The following TBC1D23 variants were observed in gnomAD, a reference collection of about 807,000 sequenced individuals.
TBC1D23 encodes the protein TBC1 domain family member 23, also known as HCV non-structural protein 4A-transactivated protein 1.
Under a neutral mutation model 91.4 loss-of-function variants are expected in TBC1D23, and 55 were observed. The observed-to-expected ratio is 0.60, with a 90% CI of 0.48 to 0.75. The LOEUF is 0.75. TBC1D23 is among the 30% of genes least tolerant of loss of function. The pLI is 0.00. For synonymous variants in TBC1D23, 289 were observed against 281.0 expected (o/e 1.03, Z -0.28); for missense variants, 725 against 836.1 (o/e 0.87, Z 1.64).
In TBC1D23 at chr3:100,320,299, TTAA is replaced by T. The variant is rs1398019090; in HGVS notation, c.1824-472_1824-470del. ...CTGAGATACAGGGGTTGGGTGAGTG[TTAA>T]TAATACTATGCTCATTTTGCCTTCA... On this transcript the variant is annotated intron_variant, in intron 17 of 18. Coordinates refer to ENST00000394144, the MANE Select transcript of TBC1D23 (RefSeq NM_001199198.3). Among the ~76,000 whole-genome samples the T allele has an allele frequency of 2.6e-5, 4 of 152,286 alleles. No homozygotes were observed. The East Asian group carries it at 7.7e-4, about 29-fold the overall frequency.
chr3:100,316,141 C>A lies in TBC1D23; in HGVS notation c.1641C>A (p.Gly547=). The part of the protein sequence containing the change: ...SSDRVGKPYR[G]VKPVFSIGDE... The stretch of plus-strand genomic sequence containing the variant: ...ACAGAGTGGGCAAGCCTTACCGTGG[C>A]GTAAAGCCTGTTTTCAGCATTGGGG... Residue 547 remains glycine (G), a synonymous_variant, in exon 16 of 19, where the codon GGC becomes GGA. Coordinates refer to ENST00000394144, the MANE Select transcript of TBC1D23 (RefSeq NM_001199198.3). The A allele has an allele frequency of 6.2e-7, 1 of 1,613,986 alleles. No individual in the cohort carries two copies. Among genetic ancestry groups the A allele is most frequent in the Admixed American group, 1.7e-5 (1 of 60,006 alleles).
chr3:100,290,822 A>C lies in TBC1D23; in HGVS notation c.600+121A>C, dbSNP rs955645646. On this transcript the variant is annotated intron_variant, in intron 5 of 18. Coordinates refer to ENST00000394144, the MANE Select transcript of TBC1D23 (RefSeq NM_001199198.3). ...CCTAATTATAGATCATTACTGTTTAAACCAAAGGGGTAAAATTATTGGCAT... is the reference window on the plus strand; with the variant it reads ...CCTAATTATAGATCATTACTGTTTACACCAAAGGGGTAAAATTATTGGCAT... 3.7e-6 allele frequency: 3 copies of C among 811,224 alleles called. No homozygotes were observed. In the African/African-American group the frequency reaches 5.3e-5, roughly 14 times the overall value. The allele number at this position is 811,224 out of a possible 1,614,324, so 50.3% of individuals were successfully genotyped here.
chr3:100,291,354 A>G (rs975509797), intron 5 of TBC1D23, among the ~76,000 whole-genome samples: 4 of 152,284 alleles, frequency 2.6e-5, no homozygotes, highest in African/African-American at 9.6e-5. Context: ...AGGCTAAGGA[A>G]GGTGGATCAC....
chr3:100,291,851 G>A (rs968041586), intron 5 of TBC1D23, among the ~76,000 whole-genome samples: 4 of 142,056 alleles, frequency 2.8e-5, no homozygotes, highest in Middle Eastern at 3.6e-3. Flanking sequence ...CTGGAGTGCC[G>A]TGGCTCCCAG....
rs181129062 is a variant in TBC1D23 at position 100,292,845 on chromosome 3, C to G, written c.600+2144C>G. Among the ~76,000 whole-genome samples the G allele has an allele frequency of 2.6e-3, 394 of 152,330 alleles. 6 individuals carry two copies. The highest frequency in any genetic ancestry group is 0.01 in the Middle Eastern group (3 of 294). On this transcript the variant is annotated intron_variant, in intron 5 of 18. Transcript: ENST00000394144. Reference sequence around the variant, plus strand: ...CAATCTCCTGGGCTCAAGCAATCCTCTCACGCAGGCCTCCCAAAGTGCAGG... The same window carrying G: ...CAATCTCCTGGGCTCAAGCAATCCTGTCACGCAGGCCTCCCAAAGTGCAGG...
In TBC1D23 at chr3:100,278,546, C is replaced by T. The variant is rs535292312; in HGVS notation, c.54-1103C>T. On this transcript the variant is annotated intron_variant, in intron 1 of 18. Coordinates refer to ENST00000394144, the MANE Select transcript of TBC1D23 (RefSeq NM_001199198.3). ...ATTACAGGGACCTGCCACCACAGCC[C>T]GCTAATTTTTTGTGTTTTTAGTAGA... Among the ~76,000 whole-genome samples the T allele has an allele frequency of 2.5e-4, 38 of 152,058 alleles. 1 individual carries two copies. Among genetic ancestry groups the T allele is most frequent in the African/African-American group, 7.5e-4 (31 of 41,482 alleles).
intron 9 of TBC1D23, 99 bp downstream of exon 9, chr3:100,298,144 G>T: frequency 9.7e-7 from 1 of 1,027,224 alleles, no homozygotes; most frequent in East Asian, 2.6e-5. Flanking sequence ...TCAATTTACT[G>T]CAACAAGGTG....
In TBC1D23 at chr3:100,319,076, T is replaced by G. The variant is rs1705805482; in HGVS notation, c.1695T>G (p.Ile565Met). The change falls in exon 17 of 19, where the codon ATT becomes ATG. Residue 565 changes from isoleucine to methionine, a missense_variant. Coordinates refer to ENST00000394144, the MANE Select transcript of TBC1D23 (RefSeq NM_001199198.3). ...GDEEEYDTDE[I>M]DSSSMSDDDR... The stretch of plus-strand genomic sequence containing the variant: ...ACTTTGTATTTTTTATAGATGAAAT[T>G]GACAGTTCTTCAATGTCAGATGATG... 6.4e-7 allele frequency: 1 copy of G among 1,561,130 alleles called. No individual in the cohort carries two copies. Among genetic ancestry groups the G allele is most frequent in the African/African-American group, 1.4e-5 (1 of 72,734 alleles).
chr3:100,320,884 T>C lies in TBC1D23; in HGVS notation c.1931T>C (p.Ile644Thr). 1 of 1,613,096 alleles carries C rather than the reference T, an allele frequency of 6.2e-7. No homozygotes were observed. The highest frequency in any genetic ancestry group is 8.5e-7 in the Non-Finnish European group (1 of 1,179,516). ...SRQALNSVVKITSKKKHPELI... is the reference protein window; with the variant it reads ...SRQALNSVVKTTSKKKHPELI... ...CAAGCGCTGAATTCTGTAGTTAAAA[T>C]TACATCCAAAAAAAAACATCCTGAA... Residue 644 changes from isoleucine (I) to threonine (T), a missense_variant, in exon 18 of 19, where the codon ATT (isoleucine) becomes ACT (threonine). Coordinates refer to ENST00000394144, the MANE Select transcript of TBC1D23 (RefSeq NM_001199198.3).
intron 1 of TBC1D23, among the ~76,000 whole-genome samples, chr3:100,277,390 G>C (rs1276320696): frequency 6.6e-6 from 1 of 152,112 alleles, no homozygotes; most frequent in Non-Finnish European, 1.5e-5. Flanking sequence ...GCATTTTCTG[G>C]TCTTCAAAGG....
intron 4 of TBC1D23, among the ~76,000 whole-genome samples, chr3:100,286,744 A>C (rs2067746118): frequency 6.6e-6 from 1 of 150,668 alleles, no homozygotes; most frequent in Admixed American, 6.6e-5. Context: ...GATCCGCCCA[A>C]CTCGACCTCC....
chr3:100,314,135 GT>G (rs1705685193), intron 15 of TBC1D23, among the ~76,000 whole-genome samples: 1 of 102,656 alleles, frequency 9.7e-6, no homozygotes, highest in Non-Finnish European at 1.8e-5. Flanking sequence ...GTCTTGCTCT[GT>G]TGCCCAAGCT....
intron 1 of TBC1D23, among the ~76,000 whole-genome samples, chr3:100,268,524 C>T (rs1022090244): frequency 1.3e-5 from 2 of 152,122 alleles, no homozygotes; most frequent in Admixed American, 6.5e-5. Flanking sequence ...TTTATAACAA[C>T]TATGTTTCTG....
At chr3:100,296,648 G>A (rs1057451931) in intron 8 of TBC1D23, among the ~76,000 whole-genome samples, 10 of 151,336 alleles carry the variant, frequency 6.6e-5, no homozygotes, top group Admixed American at 4.6e-4. Flanking sequence ...TCACGAGGTC[G>A]GGAGATCGAG....
At chr3:100,320,568 T>C (rs952222097) in intron 17 of TBC1D23, among the ~76,000 whole-genome samples, 1 of 152,158 alleles carries the variant, frequency 6.6e-6, no homozygotes, top group African/African-American at 2.4e-5. Flanking sequence ...ATTGCAGGAT[T>C]ATCTGTTAAT....
At chr3:100,271,796 C>A (rs1263870729) in intron 1 of TBC1D23, among the ~76,000 whole-genome samples, 1 of 152,092 alleles carries the variant, frequency 6.6e-6, no homozygotes, top group African/African-American at 2.4e-5. Flanking sequence ...TCCCAAGAAG[C>A]CCACATTGAG....
intron 11 of TBC1D23, among the ~76,000 whole-genome samples, chr3:100,304,113 G>A (rs1196182808): frequency 2.0e-5 from 3 of 151,980 alleles, no homozygotes; most frequent in African/African-American, 7.2e-5. Context: ...TTAGTTTATA[G>A]GTTCCTTTTT....
intron 2 of TBC1D23, among the ~76,000 whole-genome samples, chr3:100,280,731 C>A (rs1240799647): frequency 1.3e-5 from 2 of 152,156 alleles, no homozygotes; most frequent in African/African-American, 4.8e-5. Context: ...TGCCCATAAC[C>A]CAGCTTTAAC....
intron 1 of TBC1D23, among the ~76,000 whole-genome samples, chr3:100,265,876 CAA>C (rs2067553449): frequency 6.6e-6 from 1 of 152,078 alleles, no homozygotes; most frequent in Non-Finnish European, 1.5e-5. Context: ...TAATATTTTT[CAA>C]AGTTTTCTGC....
Sources: allele counts gnomAD v4.1 joint callset (sites outside exome capture counted in the v4.1 genomes callset), GRCh38; gene constraint gnomAD v4.1.1; transcripts MANE v1.5; gene names NCBI Gene and HGNC (gene_info 2026-07-23, HGNC 2026-07-21).